The following DNAJC5B variants were observed in gnomAD, a reference collection of about 807,000 sequenced individuals.
The protein encoded by DNAJC5B is dnaJ homolog subfamily C member 5B.
Under a neutral mutation model 24.7 loss-of-function variants are expected in DNAJC5B, and 23 were observed. The observed-to-expected ratio is 0.93, with a 90% CI of 0.67 to 1.32. DNAJC5B has a LOEUF of 1.32. Among genes scored for constraint, DNAJC5B ranks in the 40% most tolerant of loss-of-function variants. DNAJC5B has a pLI of 0.00. For missense variants in DNAJC5B, 238 were observed against 240.8 expected (o/e 0.99, Z 0.08); for synonymous variants, 101 against 90.1 (o/e 1.12, Z -0.68).
intron 1 of DNAJC5B, among the ~76,000 whole-genome samples, chr8:66,033,638 A>C (rs1021437301): frequency 1.3e-5 from 2 of 152,162 alleles, no homozygotes; most frequent in Non-Finnish European, 2.9e-5. Context: ...CAGAGGGTGA[A>C]CTGTCTTGTT....
chr8:66,097,202 CT>C lies in DNAJC5B; in HGVS notation c.506-2722del, dbSNP rs201374510. 2.8e-3 allele frequency among the ~76,000 whole-genome samples: 389 copies of C among 139,176 alleles called. 2 individuals carry two copies. Among genetic ancestry groups the C allele is most frequent in the African/African-American group, 6.4e-3 (244 of 38,258 alleles). 91.3% of individuals were successfully genotyped at this position (139,176 alleles called of 152,430 possible). Reference sequence around the variant, plus strand: ...TTAAGTTGACATGTTTTTCCTGTTTCTTTTTTTTTTTTTCTTTTAAATTGTC... The same window carrying C: ...TTAAGTTGACATGTTTTTCCTGTTTCTTTTTTTTTTTTCTTTTAAATTGTC... On this transcript the variant is annotated intron_variant, in intron 5 of 5. Transcript: ENST00000276570.
chr8:66,076,905 C>T, intron 4 of DNAJC5B, 32 bp downstream of exon 4: 1 of 1,607,718 alleles, frequency 6.2e-7, no homozygotes, highest in Non-Finnish European at 8.5e-7. Context: ...TCACAATCTC[C>T]TGTAAGACCA....
intron 5 of DNAJC5B, among the ~76,000 whole-genome samples, chr8:66,098,046 G>A (rs953133335): frequency 2.0e-5 from 3 of 151,982 alleles, no homozygotes; most frequent in African/African-American, 7.3e-5. Context: ...TAGAGACGGG[G>A]TTTCACCACA....
At chr8:66,094,668 C>A (rs80255018) in intron 5 of DNAJC5B, among the ~76,000 whole-genome samples, 4,959 of 151,806 alleles carry the variant, frequency 0.033, 124 homozygotes, top group Middle Eastern at 0.082. Flanking sequence ...TTTGTTTTGC[C>A]TTTCTGTGTT....
At chr8:66,057,655 A>T (rs1198069383) in intron 3 of DNAJC5B, 1 of 152,226 alleles carries the variant, frequency 6.6e-6, no homozygotes, top group East Asian at 1.9e-4. Flanking sequence ...AAAACTACAG[A>T]CAAAGAAAAA....
chr8:66,032,518 A>G (rs1806381338), intron 1 of DNAJC5B, among the ~76,000 whole-genome samples: 1 of 152,194 alleles, frequency 6.6e-6, no homozygotes, highest in South Asian at 2.1e-4. Context: ...GGAGGCAGTG[A>G]CAGTGCCCCC....
At chr8:66,087,679 C>T (rs1298858370) in intron 5 of DNAJC5B, among the ~76,000 whole-genome samples, 1 of 152,210 alleles carries the variant, frequency 6.6e-6, no homozygotes, top group Non-Finnish European at 1.5e-5. Flanking sequence ...AAAGGGACCA[C>T]AGGCCCCAGA....
rs1422356632 is a variant in DNAJC5B, at chr8:66,100,059, C to T, written c.*28C>T. On this transcript the variant is annotated 3_prime_UTR_variant, in exon 6 of 6. Coordinates refer to ENST00000276570, the MANE Select transcript of DNAJC5B (RefSeq NM_033105.6). ...TTGAGCCCTCAGAGAGTCCACAGTC[C>T]CTCCTCTCAGTTCAGTCTTGTCTCC... The T allele has an allele frequency of 1.9e-6, 3 of 1,598,662 alleles. No homozygotes were observed. Among genetic ancestry groups the T allele is most frequent in the Non-Finnish European group, 8.6e-7 (1 of 1,167,670 alleles).
chr8:66,036,039 C>T (rs1470677022), intron 1 of DNAJC5B, among the ~76,000 whole-genome samples: 1 of 152,116 alleles, frequency 6.6e-6, no homozygotes, highest in African/African-American at 2.4e-5. Flanking sequence ...AGTTGTTCAG[C>T]GTGATGCAGG....
In DNAJC5B at chr8:66,051,810, G is replaced by T. The variant is rs532076101; in HGVS notation, c.119+144G>T. ...ATGTTCCCTGCTCTACAACATAGGA[G>T]TTAGGAATGGAAAGGCATGACAGTG... On this transcript the variant is annotated intron_variant, in intron 3 of 5. Coordinates refer to ENST00000276570, the MANE Select transcript of DNAJC5B (RefSeq NM_033105.6). The T allele has an allele frequency of 1.8e-5, 12 of 659,248 alleles. No individual in the cohort carries two copies. The African/African-American group carries it at 2.2e-4, about 12-fold the overall frequency. 40.8% of individuals were successfully genotyped at this position (659,248 alleles called of 1,614,324 possible).
intron 3 of DNAJC5B, among the ~76,000 whole-genome samples, chr8:66,068,325 T>C (rs1312437136): frequency 6.6e-6 from 1 of 152,140 alleles, no homozygotes; most frequent in Non-Finnish European, 1.5e-5. Flanking sequence ...CTGAGAATTT[T>C]TTTTTAAAAT....
At chr8:66,017,900 C>G (rs1488970598), upstream of DNAJC5B, among the ~76,000 whole-genome samples, 1 of 152,136 alleles carries the variant, frequency 6.6e-6, no homozygotes, top group Non-Finnish European at 1.5e-5. Context: ...AAGAAAAATC[C>G]TAAAGAACAA....
At chr8:66,018,933 T>G (rs1204714547), upstream of DNAJC5B, among the ~76,000 whole-genome samples, 1 of 152,200 alleles carries the variant, frequency 6.6e-6, no homozygotes, top group Admixed American at 6.5e-5. Flanking sequence ...GCCTGCAGAG[T>G]GCCTGCTTCT....
intron 5 of DNAJC5B, among the ~76,000 whole-genome samples, chr8:66,095,140 T>C (rs951140755): frequency 6.6e-6 from 1 of 152,098 alleles, no homozygotes; most frequent in Non-Finnish European, 1.5e-5. Flanking sequence ...TTCCTTTGTT[T>C]TTTACTTCTC....
chr8:66,064,564 A>T (rs1165518799), intron 3 of DNAJC5B, among the ~76,000 whole-genome samples: 1 of 152,244 alleles, frequency 6.6e-6, no homozygotes, highest in Non-Finnish European at 1.5e-5. Flanking sequence ...GGCCTGAAGA[A>T]AAACCACAAA....
chr8:66,090,678 G>T (rs976353745), intron 5 of DNAJC5B, among the ~76,000 whole-genome samples: 22 of 152,038 alleles, frequency 1.4e-4, no homozygotes, highest in African/African-American at 5.1e-4. Context: ...AGGCCATATG[G>T]CTTGTAATTA....
chr8:66,091,551 T>C (rs905081309), intron 5 of DNAJC5B, among the ~76,000 whole-genome samples: 1 of 152,168 alleles, frequency 6.6e-6, no homozygotes, highest in African/African-American at 2.4e-5. Context: ...AGAGTCATAT[T>C]GGGCTGTTCT....
At chr8:66,072,502 T>C (rs1468233118) in intron 3 of DNAJC5B, among the ~76,000 whole-genome samples, 1 of 152,074 alleles carries the variant, frequency 6.6e-6, no homozygotes, top group Non-Finnish European at 1.5e-5. Context: ...TAATAAGACA[T>C]AAGGCAAGTC....
At chr8:66,042,385 T>C (rs1586073927) in intron 1 of DNAJC5B, among the ~76,000 whole-genome samples, 1 of 152,318 alleles carries the variant, frequency 6.6e-6, no homozygotes, top group East Asian at 1.9e-4. Context: ...TGATTCATTG[T>C]GCAAAAAGAA....
Sources: allele counts gnomAD v4.1 joint callset (sites outside exome capture counted in the v4.1 genomes callset), GRCh38; gene constraint gnomAD v4.1.1; transcripts MANE v1.5; gene names NCBI Gene and HGNC (gene_info 2026-07-23, HGNC 2026-07-21).